Variants in DTNA observed in about 807,000 individuals in gnomAD.
The protein encoded by DTNA is dystrobrevin alpha, also known as dystrophin-related protein 3.
DTNA carries 43 observed loss-of-function variants against 100.7 expected under a neutral mutation model. The ratio of observed to expected loss-of-function variants is 0.43; its 90% CI spans 0.33 to 0.55. The LOEUF (loss-of-function observed/expected upper bound fraction) is 0.55, where lower values mean the gene tolerates loss of function less well. DTNA is among the 20% of genes least tolerant of loss of function. The probability of loss-of-function intolerance (pLI) is 0.04; values close to 1 mark genes in which losing one functional copy is unlikely to be tolerated. For synonymous variants in DTNA, 349 were observed against 347.9 expected (o/e 1.00, Z -0.04); for missense variants, 798 against 953.9 (o/e 0.84, Z 2.15).
At chr18:34,577,542 C>G (rs1347410282) in intron 1 of DTNA, among the ~76,000 whole-genome samples, 2 of 152,026 alleles carry the variant, frequency 1.3e-5, no homozygotes, top group Non-Finnish European at 2.9e-5. Context: ...TTTTGGTGCA[C>G]CCATCACCTG....
chr18:34,582,786 T>C (rs1196483367), intron 1 of DTNA, among the ~76,000 whole-genome samples: 1 of 152,206 alleles, frequency 6.6e-6, no homozygotes, highest in Admixed American at 6.5e-5. Flanking sequence ...TCTAGAAGAC[T>C]GATTTCTCCA....
chr18:34,557,475 T>C (rs2046194800), intron 1 of DTNA, among the ~76,000 whole-genome samples: 1 of 152,134 alleles, frequency 6.6e-6, no homozygotes, highest in African/African-American at 2.4e-5. Context: ...TTTTCTGTTC[T>C]GTTTTTTCCC....
intron 1 of DTNA, among the ~76,000 whole-genome samples, chr18:34,522,608 T>C (rs796878082): frequency 2.0e-5 from 3 of 152,310 alleles, no homozygotes; most frequent in African/African-American, 7.2e-5. Context: ...ATGCCTGATA[T>C]ATTAGTGCAG....
chr18:34,516,662 A>G (rs1449288396), intron 1 of DTNA, among the ~76,000 whole-genome samples: 1 of 152,086 alleles, frequency 6.6e-6, no homozygotes, highest in Non-Finnish European at 1.5e-5. Context: ...GAATTCAGCG[A>G]TATTTCTCCT....
In DTNA at chr18:34,740,520, T is replaced by G. The variant is rs142773127; in HGVS notation, c.-1-15456T>G. On this transcript the variant is annotated intron_variant, in intron 1 of 22. Coordinates refer to ENST00000444659, the MANE Select transcript of DTNA (RefSeq NM_001386795.1). ...AGAGATCTGCAGAGTGGACACATAC[T>G]GGCACATCACAAGCATGATTGTTAT... Among the ~76,000 whole-genome samples the G allele has an allele frequency of 3.8e-4, 58 of 152,268 alleles. 1 individual carries two copies. In the East Asian group the frequency reaches 0.011, roughly 28 times the overall value.
intron 1 of DTNA, among the ~76,000 whole-genome samples, chr18:34,749,023 T>C (rs1478397814): frequency 6.6e-6 from 1 of 152,130 alleles, no homozygotes; most frequent in East Asian, 1.9e-4. Flanking sequence ...TTTTATTTCT[T>C]TGGTTTAGTA....
intron 4 of DTNA, among the ~76,000 whole-genome samples, chr18:34,805,684 A>G (rs2095342689): frequency 6.6e-6 from 1 of 152,088 alleles, no homozygotes; most frequent in Non-Finnish European, 1.5e-5. Flanking sequence ...AATATATCAC[A>G]TAAGCACAGT....
chr18:34,868,695 G>A (rs1236101552), intron 17 of DTNA: 2 of 985,168 alleles, frequency 2.0e-6, no homozygotes, highest in Non-Finnish European at 2.4e-6. Context: ...CTTGTTAGAG[G>A]TAATGCATGA....
intron 1 of DTNA, among the ~76,000 whole-genome samples, chr18:34,587,655 C>G (rs2049277507): frequency 6.6e-6 from 1 of 152,052 alleles, no homozygotes; most frequent in South Asian, 2.1e-4. Context: ...AATAGTGGCC[C>G]TTGGTGGTGG....
chr18:34,611,893 C>G (rs2054283404), intron 1 of DTNA, among the ~76,000 whole-genome samples: 2 of 152,232 alleles, frequency 1.3e-5, no homozygotes, highest in Non-Finnish European at 2.9e-5. Context: ...AGGCGTGCAG[C>G]ACATCACATG....
intron 10 of DTNA, chr18:34,829,017 G>T: frequency 6.2e-7 from 1 of 1,614,064 alleles, no homozygotes; most frequent in Non-Finnish European, 8.5e-7. Context: ...CATCCTTACT[G>T]AAGGTCATTT....
At chr18:34,834,760 G>C (rs2096099622) in intron 11 of DTNA, among the ~76,000 whole-genome samples, 1 of 152,132 alleles carries the variant, frequency 6.6e-6, no homozygotes, top group Non-Finnish European at 1.5e-5. Flanking sequence ...ATGGCACCAA[G>C]CCATTCATGA....
chr18:34,553,774 T>A (rs1040062051), intron 1 of DTNA, among the ~76,000 whole-genome samples: 114 of 152,324 alleles, frequency 7.5e-4, no homozygotes, highest in Non-Finnish European at 1.5e-3. Flanking sequence ...GCTGTTTTGG[T>A]TACTGTAGCC....
At chr18:34,546,221 A>G (rs2044760366) in intron 1 of DTNA, among the ~76,000 whole-genome samples, 1 of 152,042 alleles carries the variant, frequency 6.6e-6, no homozygotes, top group African/African-American at 2.4e-5. Context: ...CAATGAGAAT[A>G]TATTTCTTCT....
chr18:34,781,763 G>A (rs1433262284), intron 3 of DTNA, among the ~76,000 whole-genome samples: 1 of 152,196 alleles, frequency 6.6e-6, no homozygotes, highest in Non-Finnish European at 1.5e-5. Context: ...TCATTGCACA[G>A]AGAATTGTAT....
chr18:34,890,676 G>C lies in DTNA; in HGVS notation c.*2942G>C, dbSNP rs1283185312. ...TCAGGAAACAGTTGTGGTTGGTCAG[G>C]ACGGAAGTTGGGGTAAGTTTGGTTG... is the stretch of plus-strand genomic sequence containing the variant. On this transcript the variant is annotated 3_prime_UTR_variant, in exon 23 of 23. Coordinates refer to ENST00000444659, the MANE Select transcript of DTNA (RefSeq NM_001386795.1). 1.5e-6 allele frequency: 1 copy of C among 687,490 alleles called. No individual in the cohort carries two copies. The highest frequency in any genetic ancestry group is 2.3e-6 in the Non-Finnish European group (1 of 434,630). The allele number at this position is 687,490 out of a possible 1,614,324, so 42.6% of individuals were successfully genotyped here.
intron 1 of DTNA, among the ~76,000 whole-genome samples, chr18:34,746,712 TAA>T (rs1407983060): frequency 6.6e-6 from 1 of 152,140 alleles, no homozygotes; most frequent in Non-Finnish European, 1.5e-5. Context: ...GACACTCTAA[TAA>T]CTTTGAACCT....
chr18:34,863,478 G>A (rs1173639072), intron 16 of DTNA, among the ~76,000 whole-genome samples: 2 of 152,120 alleles, frequency 1.3e-5, no homozygotes, highest in African/African-American at 4.8e-5. Flanking sequence ...ACCTCTGAGA[G>A]ACACCTCAAT....
chr18:34,684,937 A>G lies in DTNA; in HGVS notation c.-1-71039A>G, dbSNP rs1359503892. On this transcript the variant is annotated intron_variant, in intron 1 of 19. Transcript: ENST00000283365. Reference sequence around the variant, plus strand: ...CTTTTCATATGTTTTTTGGCCGCATAAATGTCTTCTTTTGAAAAATGTCTG... The same window carrying G: ...CTTTTCATATGTTTTTTGGCCGCATGAATGTCTTCTTTTGAAAAATGTCTG... Among the ~76,000 whole-genome samples the G allele has an allele frequency of 2.6e-5, 4 of 152,304 alleles. No individual in the cohort carries two copies. In the South Asian group the frequency reaches 6.2e-4, roughly 24 times the overall value.
Sources: allele counts gnomAD v4.1 joint callset (sites outside exome capture counted in the v4.1 genomes callset), GRCh38; gene constraint gnomAD v4.1.1; transcripts MANE v1.5; gene names NCBI Gene and HGNC (gene_info 2026-07-23, HGNC 2026-07-21).